AUTS2: variants seen among roughly 807,000 people sequenced by gnomAD.
The protein encoded by AUTS2 is autism susceptibility gene 2 protein.
In AUTS2, 17 loss-of-function variants were observed where a neutral mutation model predicts 112.4. The observed-to-expected ratio is 0.15, with a 90% CI of 0.10 to 0.23. The LOEUF is 0.23. AUTS2 is among the 10% of genes least tolerant of loss of function. AUTS2 has a pLI of 1.00. For missense variants in AUTS2, 1,510 were observed against 1,701.6 expected (o/e 0.89, Z 1.98); for synonymous variants, 751 against 702.7 (o/e 1.07, Z -1.09).
chr7:69,845,463 A>G (rs1792155397), intron 1 of AUTS2, among the ~76,000 whole-genome samples: 1 of 152,162 alleles, frequency 6.6e-6, no homozygotes, highest in Admixed American at 6.5e-5. Context: ...TTAGCTAAGA[A>G]GGGCAATGGT....
At chr7:70,515,850 G>A (rs1447070617) in intron 5 of AUTS2, among the ~76,000 whole-genome samples, 1 of 152,076 alleles carries the variant, frequency 6.6e-6, no homozygotes, top group African/African-American at 2.4e-5. Flanking sequence ...TTTCTGACAG[G>A]CAATGCATTT....
chr7:70,166,358 C>T (rs773386719), intron 4 of AUTS2, among the ~76,000 whole-genome samples: 1 of 152,106 alleles, frequency 6.6e-6, no homozygotes, highest in South Asian at 2.1e-4. Context: ...AAATTATTTA[C>T]TATCTGGTGC....
chr7:70,287,478 G>A (rs944321115), intron 4 of AUTS2, among the ~76,000 whole-genome samples: 3 of 152,182 alleles, frequency 2.0e-5, no homozygotes, highest in Non-Finnish European at 4.4e-5. Context: ...GAATGGATTA[G>A]CAAATTATAG....
rs1802440255 is a variant in AUTS2 at position 70,065,379 on chromosome 7, GT to G, written c.523-52747del. ...TGTCAGCTAGATACTTTCCTGAATT[GT>G]TTTTTAAAATTGTTTAAAAAATTAT... On this transcript the variant is annotated intron_variant, in intron 2 of 18. Transcript: ENST00000342771. 2.0e-5 allele frequency among the ~76,000 whole-genome samples: 3 copies of G among 152,244 alleles called. No individual in the cohort carries two copies. The South Asian group carries it at 6.2e-4, about 32-fold the overall frequency.
chr7:70,683,398 T>C (rs1339291993), intron 5 of AUTS2, among the ~76,000 whole-genome samples: 1 of 152,218 alleles, frequency 6.6e-6, no homozygotes, highest in South Asian at 2.1e-4. Flanking sequence ...ATGAGAATAC[T>C]GTACTAGATG....
intron 1 of AUTS2, among the ~76,000 whole-genome samples, chr7:69,728,341 G>C (rs1205534978): frequency 6.6e-6 from 1 of 152,228 alleles, no homozygotes; most frequent in Non-Finnish European, 1.5e-5. Context: ...TTGAAATCTA[G>C]GGAATACTCT....
intron 11 of AUTS2, among the ~76,000 whole-genome samples, 171 bp from the exon 12 acceptor site, chr7:70,773,857 G>A (rs2129558642): frequency 6.6e-6 from 1 of 152,332 alleles, no homozygotes; most frequent in African/African-American, 2.4e-5. Flanking sequence ...GCTGTGGTCA[G>A]GCCCCCTTGA....
At chr7:70,134,740 G>T (rs1340290189) in intron 4 of AUTS2, among the ~76,000 whole-genome samples, 169 bp downstream of exon 4, 1 of 152,126 alleles carries the variant, frequency 6.6e-6, no homozygotes, top group Non-Finnish European at 1.5e-5. Flanking sequence ...AGAAGACATA[G>T]CCTGCTGGGC....
At position 69,613,035 on chromosome 7, in the gene AUTS2, A is replaced by G. The variant is rs549736621; in HGVS notation, c.309+13073A>G. Reference sequence around the variant, plus strand: ...ATTCGTTATCCCATTGACGCACCCCATGAAAAAAAGAATAATAATCTCTGT... The same window carrying G: ...ATTCGTTATCCCATTGACGCACCCCGTGAAAAAAAGAATAATAATCTCTGT... On this transcript the variant is annotated intron_variant, in intron 1 of 18. Transcript: ENST00000342771. Among the ~76,000 whole-genome samples, 58 of 152,308 alleles carry G rather than the reference A, an allele frequency of 3.8e-4. 2 individuals are homozygous for G. The highest frequency in any genetic ancestry group is 7.1e-4 in the Non-Finnish European group (48 of 68,032).
At chr7:70,194,284 C>T (rs748267493) in intron 4 of AUTS2, among the ~76,000 whole-genome samples, 10 of 152,106 alleles carry the variant, frequency 6.6e-5, no homozygotes, top group Non-Finnish European at 1.2e-4. Flanking sequence ...GTGACAGACA[C>T]CTGTAATTCC....
At chr7:69,840,793 CTG>C (rs1400284333) in intron 1 of AUTS2, among the ~76,000 whole-genome samples, 1 of 152,144 alleles carries the variant, frequency 6.6e-6, no homozygotes. Flanking sequence ...TACTGAGAAA[CTG>C]TAGTTCTTTC....
intron 5 of AUTS2, among the ~76,000 whole-genome samples, chr7:70,697,207 A>G (rs1213266051): frequency 6.6e-6 from 1 of 151,926 alleles, no homozygotes; most frequent in Non-Finnish European, 1.5e-5. Flanking sequence ...GGCCCTCTGT[A>G]TTTTTCATTA....
chr7:70,614,993 G>A (rs546880449), intron 5 of AUTS2, among the ~76,000 whole-genome samples: 96 of 152,186 alleles, frequency 6.3e-4, no homozygotes, highest in Non-Finnish European at 1.2e-3. Flanking sequence ...CAGCTTGGAC[G>A]GTGTGGCTCA....
At chr7:70,018,862 A>G (rs1800147689) in intron 2 of AUTS2, among the ~76,000 whole-genome samples, 1 of 152,212 alleles carries the variant, frequency 6.6e-6, no homozygotes, top group Non-Finnish European at 1.5e-5. Flanking sequence ...TCAATTTTTC[A>G]AAGACCTAAA....
intron 5 of AUTS2, among the ~76,000 whole-genome samples, chr7:70,503,367 G>A (rs1798839617): frequency 6.6e-6 from 1 of 151,934 alleles, no homozygotes; most frequent in Non-Finnish European, 1.5e-5. Context: ...ACTGTGATGT[G>A]TGCCTGTGTT....
intron 5 of AUTS2, among the ~76,000 whole-genome samples, chr7:70,647,427 A>G (rs1806232970): frequency 6.6e-6 from 1 of 152,242 alleles, no homozygotes; most frequent in Non-Finnish European, 1.5e-5. Context: ...TGTGCTTTGT[A>G]GCCTGAGTCC....
At chr7:70,703,484 C>G (rs1323639526) in intron 6 of AUTS2, among the ~76,000 whole-genome samples, 2 of 80,700 alleles carry the variant, frequency 2.5e-5, no homozygotes, top group African/African-American at 1.1e-4. Context: ...GAGTGAGACA[C>G]CATTTCAAAA....
chr7:70,366,221 C>G (rs193249461), intron 4 of AUTS2, among the ~76,000 whole-genome samples: 1 of 152,244 alleles, frequency 6.6e-6, no homozygotes, highest in Non-Finnish European at 1.5e-5. Context: ...CACTTGAAAC[C>G]TCCTTCTCTT....
At chr7:69,986,093 T>C (rs1280186289) in intron 2 of AUTS2, among the ~76,000 whole-genome samples, 1 of 152,216 alleles carries the variant, frequency 6.6e-6, no homozygotes, top group Non-Finnish European at 1.5e-5. Flanking sequence ...TGTTATTGTT[T>C]CCTCTGTATC....
Sources: allele counts gnomAD v4.1 joint callset (sites outside exome capture counted in the v4.1 genomes callset), GRCh38; gene constraint gnomAD v4.1.1; transcripts MANE v1.5; gene names NCBI Gene and HGNC (gene_info 2026-07-23, HGNC 2026-07-21).